TXNDC9: variants seen among roughly 807,000 people sequenced by gnomAD.
TXNDC9 encodes thioredoxin domain-containing protein 9.
TXNDC9 carries 7 observed loss-of-function variants against 23.0 expected under a neutral mutation model. The observed-to-expected ratio is 0.30, with a 90% confidence interval of 0.17 to 0.57. TXNDC9 has a LOEUF of 0.57. Among genes scored for constraint, TXNDC9 ranks in the 20% least tolerant of loss-of-function variants. The pLI, the probability that TXNDC9 is intolerant of heterozygous loss-of-function variation, is 0.90. For missense variants in TXNDC9, 198 were observed against 252.6 expected, an observed-to-expected ratio of 0.78 and a Z score of 1.47; for synonymous variants, 72 against 90.6, an observed-to-expected ratio of 0.79 and a Z score of 1.17.
At chr2:99,334,423 T>C (rs1046125475) in intron 1 of TXNDC9, among the ~76,000 whole-genome samples, 1 of 152,220 alleles carries the variant, frequency 6.6e-6, no homozygotes, top group Non-Finnish European at 1.5e-5. Flanking sequence ...TTAGGTGATT[T>C]TGATATTGTT....
chr2:99,307,043 C>A, the TXNDC9 span, among the ~76,000 whole-genome samples: 1 of 117,018 alleles, frequency 8.5e-6, no homozygotes, highest in Non-Finnish European at 1.8e-5. Context: ...CCTTTTCTTT[C>A]TTCCTTCCCT....
chr2:99,319,603 T>C lies in TXNDC9; in HGVS notation c.*79A>G. The C allele has an allele frequency of 1.9e-6, 2 of 1,057,438 alleles. No individual in the cohort carries two copies. Among genetic ancestry groups the C allele is most frequent in the Non-Finnish European group, 2.9e-6 (2 of 701,184 alleles). 65.5% of individuals were successfully genotyped at this position (1,057,438 alleles called of 1,614,324 possible). On this transcript the variant is annotated 3_prime_UTR_variant, in exon 5 of 5. Transcript: ENST00000264255. ...TATGAGTATTTAGGTGACCAATGTA[T>C]AGACATTAATAGAATTTTAAAAACA...
chr2:99,327,622 C>T lies in TXNDC9; in HGVS notation c.221G>A (p.Arg74Lys). Residue 74 changes from arginine (R) to lysine (K), a missense_variant, in exon 3 of 5, where the codon AGA (arginine) becomes AAA (lysine). Physicochemically the swap from Arg to Lys is conservative, Grantham distance 26 (BLOSUM62 2). Coordinates refer to ENST00000264255, the MANE Select transcript of TXNDC9 (RefSeq NM_005783.4). The stretch of plus-strand genomic sequence containing the variant: ...AAAGTCTCTTTCACTAGGGATTTCT[C>T]TGTATTCCCCATGTCCTTTAGAAAG... ...EWLSKGHGEY[R>K]EIPSERDFFQ... The T allele has an allele frequency of 6.2e-7, 1 of 1,613,726 alleles. No individual in the cohort carries two copies. Among genetic ancestry groups the T allele is most frequent in the African/African-American group, 1.3e-5 (1 of 75,016 alleles).
chr2:99,319,599 T>C lies in TXNDC9; in HGVS notation c.*83A>G. ...AGAATATGAGTATTTAGGTGACCAA[T>C]GTATAGACATTAATAGAATTTTAAA... On this transcript the variant is annotated 3_prime_UTR_variant, in exon 5 of 5. Transcript: ENST00000264255. The C allele has an allele frequency of 2.0e-6, 2 of 1,011,076 alleles. No homozygotes were observed. The highest frequency in any genetic ancestry group is 1.4e-5 in the South Asian group (1 of 70,332). The allele number at this position is 1,011,076 out of a possible 1,614,324, so 62.6% of individuals were successfully genotyped here.
chr2:99,321,876 T>A, intron 4 of TXNDC9, 79 bp downstream of exon 4: 3 of 1,383,750 alleles, frequency 2.2e-6, no homozygotes, highest in Non-Finnish European at 2.9e-6. Context: ...ATAAAATAAA[T>A]GTTACAATAC....
At chr2:99,333,317 A>C in intron 1 of TXNDC9, 75 bp from the exon 2 acceptor site, 2 of 1,324,482 alleles carry the variant, frequency 1.5e-6, no homozygotes, top group Non-Finnish European at 1.0e-6. Context: ...ATTTTCAAAA[A>C]TTCTGGCAAG....
At chr2:99,317,056 T>C (rs1305016561), downstream of TXNDC9, among the ~76,000 whole-genome samples, 2 of 152,206 alleles carry the variant, frequency 1.3e-5, no homozygotes, top group Non-Finnish European at 2.9e-5. Context: ...GCGCCCAGCC[T>C]ATTTGGCCCT....
chr2:99,335,453 TTAC>T (rs1229683496), intron 1 of TXNDC9, among the ~76,000 whole-genome samples: 8 of 152,198 alleles, frequency 5.3e-5, no homozygotes, highest in Admixed American at 1.3e-4. Context: ...TCTGTTCAAA[TTAC>T]TACACTGTTA....
At chr2:99,327,927 G>A (rs2105323700) in intron 2 of TXNDC9, among the ~76,000 whole-genome samples, 1 of 151,674 alleles carries the variant, frequency 6.6e-6, no homozygotes, top group African/African-American at 2.4e-5. Context: ...TGGGACTACA[G>A]GCGGGCACCA....
At position 99,333,016 on chromosome 2, in the gene TXNDC9, G is replaced by A; in HGVS notation, c.189+6C>T. ...GCAATTTCAGAAAGCAGGGCAGAGA[G>A]GTTACTTGTTTCTGCTGTTGAGCTT... On this transcript the variant is annotated splice_donor_region_variant and intron_variant, in intron 2 of 4. Transcript: ENST00000264255. 3.7e-6 allele frequency: 6 copies of A among 1,610,288 alleles called. No individual in the cohort carries two copies. The highest frequency in any genetic ancestry group is 5.1e-6 in the Non-Finnish European group (6 of 1,176,782).
chr2:99,333,785 T>G (rs1247962697), intron 1 of TXNDC9, among the ~76,000 whole-genome samples: 1 of 152,214 alleles, frequency 6.6e-6, no homozygotes, highest in East Asian at 1.9e-4. Context: ...TTACCATTTA[T>G]GTAAAGAAGA....
intron 2 of TXNDC9, among the ~76,000 whole-genome samples, chr2:99,331,707 C>A (rs569104280): frequency 1.3e-5 from 2 of 152,090 alleles, no homozygotes; most frequent in Non-Finnish European, 1.5e-5. Flanking sequence ...CAAAGTGATG[C>A]TACAGCAATA....
chr2:99,334,649 T>C (rs1017120965), intron 1 of TXNDC9, among the ~76,000 whole-genome samples: 1 of 152,248 alleles, frequency 6.6e-6, no homozygotes, highest in Admixed American at 6.5e-5. Flanking sequence ...TGAAATGTCC[T>C]TATGTGGCAC....
At chr2:99,309,386 A>C in the TXNDC9 span, among the ~76,000 whole-genome samples, 1 of 152,136 alleles carries the variant, frequency 6.6e-6, no homozygotes, top group African/African-American at 2.4e-5. Flanking sequence ...AAAAAAATTA[A>C]AACAATTTTA....
intron 1 of TXNDC9, 127 bp downstream of exon 1, chr2:99,336,112 G>A (rs1276807641): frequency 2.4e-6 from 2 of 825,448 alleles, no homozygotes; most frequent in Non-Finnish European, 2.9e-6. Context: ...TTGCGCAAGA[G>A]CCTCTGCCAG....
chr2:99,318,273 A>G (rs1472536449), downstream of TXNDC9, among the ~76,000 whole-genome samples: 1 of 152,086 alleles, frequency 6.6e-6, no homozygotes, highest in East Asian at 1.9e-4. Flanking sequence ...TCCCCTCCCC[A>G]GATCCAACGT....
At chr2:99,316,361 T>TG (rs1437781392), downstream of TXNDC9, among the ~76,000 whole-genome samples, 1 of 151,946 alleles carries the variant, frequency 6.6e-6, no homozygotes, top group Non-Finnish European at 1.5e-5. Flanking sequence ...TTTGTAGAGA[T>TG]GGGGTCTCAC....
the TXNDC9 span, chr2:99,306,769 G>A: frequency 6.6e-6 from 3 of 455,290 alleles, no homozygotes; most frequent in South Asian, 3.1e-5. Context: ...AGCAACCTAC[G>A]GCCCTAGGGC....
intron 4 of TXNDC9, among the ~76,000 whole-genome samples, chr2:99,320,464 G>A (rs1273751036): frequency 6.6e-6 from 1 of 152,172 alleles, no homozygotes; most frequent in Admixed American, 6.5e-5. Context: ...TAATCTTGAG[G>A]AAATTTAAGA....
Sources: gnomAD v4.1 joint callset for allele counts (sites outside exome capture counted in the v4.1 genomes callset) on GRCh38, gnomAD v4.1.1 for gene constraint, MANE v1.5 for transcripts, NCBI Gene and HGNC (gene_info 2026-07-23, HGNC 2026-07-21) for gene names.